KIAA1958: variants seen among roughly 807,000 people sequenced by gnomAD.
KIAA1958 encodes KIAA1958, also known as uncharacterized protein KIAA1958.
In KIAA1958, 14 loss-of-function variants were observed where a neutral mutation model predicts 47.2. The ratio of observed to expected loss-of-function variants is 0.30; its 90% CI spans 0.20 to 0.46. KIAA1958 has a LOEUF of 0.46. Ranked by LOEUF, KIAA1958 falls within the 20% of genes least tolerant of loss-of-function variation. The pLI is 1.00. For missense variants in KIAA1958, 803 were observed against 909.2 expected (o/e 0.88, Z 1.50); for synonymous variants, 354 against 353.3 (o/e 1.00, Z -0.02).
At chr9:112,596,316 A>T (rs1462237035) in intron 2 of KIAA1958, among the ~76,000 whole-genome samples, 2 of 152,174 alleles carry the variant, frequency 1.3e-5, no homozygotes, top group South Asian at 4.1e-4. Flanking sequence ...TTTAAAAAAT[A>T]GTACCTAAAA....
At chr9:112,627,924 T>G (rs1836645252) in intron 2 of KIAA1958, among the ~76,000 whole-genome samples, 1 of 152,254 alleles carries the variant, frequency 6.6e-6, no homozygotes, top group African/African-American at 2.4e-5. Flanking sequence ...CTGTCTAGTT[T>G]GGTACCTGGT....
At chr9:112,639,874 A>C (rs117017329) in intron 2 of KIAA1958, among the ~76,000 whole-genome samples, 2,085 of 152,346 alleles carry the variant, frequency 0.014, 17 homozygotes, top group Non-Finnish European at 0.02. Context: ...CAGGAAAAAA[A>C]GGGAAGAAGA....
intron 1 of KIAA1958, among the ~76,000 whole-genome samples, chr9:112,518,081 G>A (rs747174772): frequency 1.3e-5 from 2 of 152,166 alleles, no homozygotes; most frequent in Admixed American, 1.3e-4. Context: ...AGCTGGGAGC[G>A]GTGCCACATG....
In KIAA1958 at chr9:112,493,446, T is replaced by C. The variant is rs567445404; in HGVS notation, c.-25+6328T>C. 2.0e-5 allele frequency among the ~76,000 whole-genome samples: 3 copies of C among 152,306 alleles called. No homozygotes were observed. In the East Asian group the frequency reaches 5.8e-4, roughly 29 times the overall value. ...TACCACCTTCCATCCATTTTCCCAG[T>C]CCAGAAATTTAGGAGTTATCTCTGA... On this transcript the variant is annotated intron_variant, in intron 1 of 3. Transcript: ENST00000337530.
rs538661738 is a variant in KIAA1958 at position 112,664,930 on chromosome 9, T to C, written c.*4861T>C. 4 of 152,316 alleles carry C rather than the reference T, an allele frequency of 2.6e-5. No individual in the cohort carries two copies. The highest frequency in any genetic ancestry group is 5.9e-5 in the Non-Finnish European group (4 of 68,022). 9.4% of individuals were successfully genotyped at this position (152,316 alleles called of 1,614,324 possible). On this transcript the variant is annotated 3_prime_UTR_variant, in exon 4 of 4. Transcript: ENST00000337530. ...TTCAGGCAAAGTTTACCCATTATTA[T>C]TATGATTTTGAATATTCCTTGTTCA...
chr9:112,533,580 C>CAAAAA (rs57032014), intron 1 of KIAA1958, among the ~76,000 whole-genome samples: 9 of 125,374 alleles, frequency 7.2e-5, no homozygotes, highest in East Asian at 2.3e-4. Context: ...GACTCCATCC[C>CAAAAA]AAAAAAAAAA....
At chr9:112,584,652 A>T (rs1254576657) in intron 2 of KIAA1958, among the ~76,000 whole-genome samples, 2 of 152,266 alleles carry the variant, frequency 1.3e-5, no homozygotes, top group Admixed American at 6.5e-5. Context: ...GTTGGAATAA[A>T]TAAAAAACAC....
chr9:112,560,202 T>TTC (rs1835303685), intron 1 of KIAA1958, among the ~76,000 whole-genome samples: 2 of 122,630 alleles, frequency 1.6e-5, no homozygotes, highest in African/African-American at 6.6e-5. Context: ...CTTTTTCTTT[T>TTC]TTTTTCTTTT....
chr9:112,495,249 T>TA (rs1834033548), intron 1 of KIAA1958, among the ~76,000 whole-genome samples: 2 of 152,220 alleles, frequency 1.3e-5, no homozygotes, highest in African/African-American at 4.8e-5. Context: ...TGAAATATGT[T>TA]ACAGTTCTCA....
intron 1 of KIAA1958, among the ~76,000 whole-genome samples, chr9:112,539,086 A>G (rs1162702518): frequency 2.6e-5 from 4 of 152,246 alleles, no homozygotes; most frequent in Non-Finnish European, 5.9e-5. Context: ...ACTCTCATAC[A>G]TCACTAGTAG....
rs1837219726 is a variant in KIAA1958, at chr9:112,659,452, G to A, written c.1534G>A (p.Glu512Lys). 6.2e-7 allele frequency: 1 copy of A among 1,613,954 alleles called. No individual in the cohort carries two copies. The highest frequency in any genetic ancestry group is 1.7e-5 in the Admixed American group (1 of 59,990). Reference sequence around the variant, plus strand: ...CAGCTCCTCCACCAAGAAACTCAAGGAGAAGCTGTGGGTGCTGAGTAAGGC... The same window carrying A: ...CAGCTCCTCCACCAAGAAACTCAAGAAGAAGCTGTGGGTGCTGAGTAAGGC... The part of the protein sequence containing the change: ...TFSSSTKKLK[E>K]KLWVLSKAGM... The change falls in exon 4 of 4, where the codon GAG becomes AAG. Residue 512 changes from glutamate (E) to lysine (K), a missense_variant. By Grantham distance (56) the Glu-to-Lys change is moderately conservative (BLOSUM62 1). Transcript: ENST00000337530.
intron 1 of KIAA1958, among the ~76,000 whole-genome samples, chr9:112,542,978 C>T (rs1336176211): frequency 1.3e-5 from 2 of 152,176 alleles, no homozygotes; most frequent in Non-Finnish European, 2.9e-5. Flanking sequence ...TAAGTTTACT[C>T]ATAATAGAAA....
chr9:112,504,857 A>T (rs563525464), intron 1 of KIAA1958, among the ~76,000 whole-genome samples: 11 of 152,242 alleles, frequency 7.2e-5, no homozygotes, highest in Admixed American at 7.2e-4. Flanking sequence ...GGTACATGTA[A>T]AATTTTGTTA....
At chr9:112,504,940 T>A (rs144603860) in intron 1 of KIAA1958, among the ~76,000 whole-genome samples, 470 of 152,310 alleles carry the variant, frequency 3.1e-3, no homozygotes, top group Non-Finnish European at 5.3e-3. Context: ...TACATTTTTG[T>A]TGAAGATAGT....
chr9:112,494,378 A>G (rs994464440), intron 1 of KIAA1958, among the ~76,000 whole-genome samples: 1 of 151,442 alleles, frequency 6.6e-6, no homozygotes, highest in African/African-American at 2.4e-5. Context: ...TCTTATGTCT[A>G]TACCTTAGTA....
chr9:112,578,180 T>C (rs1244609184), intron 2 of KIAA1958, among the ~76,000 whole-genome samples: 1 of 152,190 alleles, frequency 6.6e-6, no homozygotes, highest in Admixed American at 6.5e-5. Context: ...TAACATAAAA[T>C]TTACTTTTTA....
intron 1 of KIAA1958, among the ~76,000 whole-genome samples, chr9:112,556,780 T>A (rs1835249313): frequency 6.6e-6 from 1 of 152,216 alleles, no homozygotes; most frequent in African/African-American, 2.4e-5. Context: ...CCTCTCTGAA[T>A]CATTGCTATG....
At chr9:112,592,675 A>C (rs1835944397) in intron 2 of KIAA1958, among the ~76,000 whole-genome samples, 1 of 152,234 alleles carries the variant, frequency 6.6e-6, no homozygotes, top group African/African-American at 2.4e-5. Flanking sequence ...TTTATTTGTC[A>C]TCCTGGTTCA....
At chr9:112,579,742 A>G (rs367858668) in intron 2 of KIAA1958, among the ~76,000 whole-genome samples, 11 of 152,198 alleles carry the variant, frequency 7.2e-5, no homozygotes, top group African/African-American at 2.7e-4. Context: ...TGTAAAATTG[A>G]GTTCAGTGAG....
Sources: allele counts gnomAD v4.1 joint callset (sites outside exome capture counted in the v4.1 genomes callset), GRCh38; gene constraint gnomAD v4.1.1; transcripts MANE v1.5; gene names NCBI Gene and HGNC (gene_info 2026-07-23, HGNC 2026-07-21).